Variants in TMEM232 observed in about 807,000 individuals in gnomAD.
The protein encoded by TMEM232 is transmembrane protein 232.
In TMEM232, 80 loss-of-function variants were observed where a neutral mutation model predicts 78.8. The ratio of observed to expected loss-of-function variants is 1.01; its 90% CI spans 0.85 to 1.22. The LOEUF (loss-of-function observed/expected upper bound fraction) is 1.22. Among genes scored for constraint, TMEM232 ranks in the 50% most tolerant of loss-of-function variants. The pLI, the probability that TMEM232 is intolerant of heterozygous loss-of-function variation, is 0.00. For synonymous variants in TMEM232, 297 were observed against 254.3 expected (o/e 1.17, Z -1.60); for missense variants, 881 against 742.2 (o/e 1.19, Z -2.17).
chr5:110,447,534 T>G (rs1759802116), intron 12 of TMEM232, among the ~76,000 whole-genome samples: 2 of 152,094 alleles, frequency 1.3e-5, no homozygotes, highest in Non-Finnish European at 2.9e-5. Context: ...TACAAATAAC[T>G]TCTAAATTAT....
intron 12 of TMEM232, among the ~76,000 whole-genome samples, chr5:110,493,106 G>GA (rs1214571524): frequency 2.6e-5 from 4 of 151,078 alleles, no homozygotes; most frequent in African/African-American, 9.7e-5. Flanking sequence ...ACCCATACAA[G>GA]AAAAAAAATT....
intron 10 of TMEM232, among the ~76,000 whole-genome samples, chr5:110,591,683 T>G (rs1240495643): frequency 6.6e-6 from 1 of 152,156 alleles, no homozygotes; most frequent in East Asian, 1.9e-4. Flanking sequence ...AAATAAGTTT[T>G]AGAAAAATTA....
At chr5:110,563,107 C>CATTTAAT (rs1775940245) in intron 11 of TMEM232, among the ~76,000 whole-genome samples, 1 of 151,954 alleles carries the variant, frequency 6.6e-6, no homozygotes, top group Non-Finnish European at 1.5e-5. Flanking sequence ...TTTCCGCCTT[C>CATTTAAT]ATTTAATATT....
At chr5:110,630,422 C>A (rs1784964633) in intron 5 of TMEM232, among the ~76,000 whole-genome samples, 1 of 152,136 alleles carries the variant, frequency 6.6e-6, no homozygotes, top group Non-Finnish European at 1.5e-5. Context: ...TGTGTTCCCA[C>A]CCAAACCTCA....
intron 11 of TMEM232, among the ~76,000 whole-genome samples, chr5:110,529,200 C>CT (rs556085881): frequency 9.2e-5 from 14 of 151,556 alleles, no homozygotes; most frequent in Admixed American, 2.0e-4. Flanking sequence ...TTAAATCAGA[C>CT]TTTTTTTTAA....
intron 1 of TMEM232, among the ~76,000 whole-genome samples, chr5:110,700,699 C>T (rs1795317927): frequency 6.6e-6 from 1 of 151,408 alleles, no homozygotes; most frequent in South Asian, 2.1e-4. Context: ...AGGGCCTTTC[C>T]CTTGCTTTTA....
intron 12 of TMEM232, among the ~76,000 whole-genome samples, chr5:110,439,361 T>C (rs1758779518): frequency 6.6e-6 from 1 of 152,126 alleles, no homozygotes; most frequent in Admixed American, 6.6e-5. Flanking sequence ...CGTTTTATAG[T>C]TCCTTGTATT....
intron 12 of TMEM232, among the ~76,000 whole-genome samples, chr5:110,500,780 G>A (rs999113188): frequency 1.2e-4 from 19 of 152,088 alleles, no homozygotes; most frequent in African/African-American, 3.6e-4. Flanking sequence ...TAAAATCTAC[G>A]TTTACAATTC....
downstream of TMEM232, among the ~76,000 whole-genome samples, chr5:110,415,334 C>A (rs962501536): frequency 1.3e-5 from 2 of 151,792 alleles, no homozygotes; most frequent in African/African-American, 2.4e-5. Flanking sequence ...ACTACAGGCG[C>A]CTGCCACCAC....
At chr5:110,644,747 TAATA>T (rs1787232065) in intron 2 of TMEM232, among the ~76,000 whole-genome samples, 1 of 151,170 alleles carries the variant, frequency 6.6e-6, no homozygotes, top group African/African-American at 2.4e-5. Flanking sequence ...AAGAAGGAAA[TAATA>T]AATATAAGAA....
chr5:110,490,482 C>A lies in TMEM232; in HGVS notation c.1703+38106G>T, dbSNP rs1046613704. ...CACACAAACCTTTTCAAAACACAAG[C>A]CTTCCATTTTGGAGAAACTGGCAAG... On this transcript the variant is annotated intron_variant, in intron 12 of 13. Coordinates refer to ENST00000455884, the MANE Select transcript of TMEM232 (RefSeq NM_001039763.4). Among the ~76,000 whole-genome samples the A allele has an allele frequency of 4.6e-5, 7 of 152,212 alleles. No individual in the cohort carries two copies. The East Asian group carries it at 1.2e-3, about 25-fold the overall frequency.
chr5:110,698,005 C>T (rs1292599067), intron 1 of TMEM232, among the ~76,000 whole-genome samples: 1 of 152,096 alleles, frequency 6.6e-6, no homozygotes, highest in Non-Finnish European at 1.5e-5. Flanking sequence ...TATTGTGGCA[C>T]TATTCACAAT....
intron 11 of TMEM232, among the ~76,000 whole-genome samples, chr5:110,550,256 T>C (rs1774287778): frequency 6.6e-6 from 1 of 152,142 alleles, no homozygotes; most frequent in African/African-American, 2.4e-5. Context: ...TATCAATTCA[T>C]AATAAAAGTT....
At chr5:110,710,378 T>G (rs1796345516) in intron 1 of TMEM232, among the ~76,000 whole-genome samples, 1 of 151,994 alleles carries the variant, frequency 6.6e-6, no homozygotes, top group South Asian at 2.1e-4. Context: ...GGAAGGAATA[T>G]CTCTAAACTC....
At chr5:110,558,400 C>A (rs751721677) in intron 11 of TMEM232, among the ~76,000 whole-genome samples, 1 of 152,066 alleles carries the variant, frequency 6.6e-6, no homozygotes, top group African/African-American at 2.4e-5. Flanking sequence ...ACCAGCAGAG[C>A]AGTAGGGGAA....
intron 10 of TMEM232, among the ~76,000 whole-genome samples, chr5:110,597,295 C>A (rs1780292158): frequency 1.3e-5 from 2 of 152,086 alleles, no homozygotes; most frequent in African/African-American, 4.8e-5. Flanking sequence ...ACTTAGGAAT[C>A]CAACTTACAA....
chr5:110,697,891 G>T (rs1794986287), intron 1 of TMEM232, among the ~76,000 whole-genome samples: 1 of 152,272 alleles, frequency 6.6e-6, no homozygotes, highest in African/African-American at 2.4e-5. Flanking sequence ...ATTCCTCAAG[G>T]ACCTAGAACT....
rs145413483 is a variant in TMEM232 at position 110,699,574 on chromosome 5, C to T, written c.-13+27053G>A. Among the ~76,000 whole-genome samples, 172 of 152,096 alleles carry T rather than the reference C, an allele frequency of 1.1e-3. 5 individuals carry two copies. In the East Asian group the frequency reaches 0.026, roughly 23 times the overall value. ...AAGAATGGGATAGAATTTCAAATGGCATTTAGAAACTTTACAAAGGGGAAT... is the reference window on the plus strand; with the variant it reads ...AAGAATGGGATAGAATTTCAAATGGTATTTAGAAACTTTACAAAGGGGAAT... On this transcript the variant is annotated intron_variant, in intron 1 of 13. Transcript: ENST00000455884.
intron 10 of TMEM232, among the ~76,000 whole-genome samples, chr5:110,584,399 CA>C (rs1383369346): frequency 6.6e-6 from 1 of 152,004 alleles, no homozygotes; most frequent in Non-Finnish European, 1.5e-5. Flanking sequence ...AAGCCAATCA[CA>C]GAAGGGTAAC....
Sources: allele counts gnomAD v4.1 joint callset (sites outside exome capture counted in the v4.1 genomes callset), GRCh38; gene constraint gnomAD v4.1.1; transcripts MANE v1.5; gene names NCBI Gene and HGNC (gene_info 2026-07-23, HGNC 2026-07-21).